Variants in SHISAL1 observed in about 807,000 individuals in gnomAD.
SHISAL1 encodes the protein protein shisa-like-1.
In SHISAL1, 9 loss-of-function variants were observed where a neutral mutation model predicts 22.6. That is an observed-to-expected ratio of 0.40 (90% CI 0.24 to 0.70). The LOEUF (loss-of-function observed/expected upper bound fraction) is 0.70, where lower values mean the gene tolerates loss of function less well. Ranked by LOEUF, SHISAL1 falls within the 30% of genes least tolerant of loss-of-function variation. The probability of loss-of-function intolerance (pLI) is 0.39; values close to 1 mark genes in which losing one functional copy is unlikely to be tolerated. For synonymous variants in SHISAL1, 119 were observed against 115.4 expected (o/e 1.03, Z -0.20); for missense variants, 246 against 270.6 (o/e 0.91, Z 0.64).
At chr22:44,270,095 G>A (rs1008759652) in intron 4 of SHISAL1, among the ~76,000 whole-genome samples, 3 of 152,222 alleles carry the variant, frequency 2.0e-5, no homozygotes, top group African/African-American at 4.8e-5. Context: ...ATTCCTGCTG[G>A]TTGGCTGCTG....
chr22:44,300,077 A>G (rs1447335374), intron 2 of SHISAL1, among the ~76,000 whole-genome samples: 1 of 151,986 alleles, frequency 6.6e-6, no homozygotes, highest in Non-Finnish European at 1.5e-5. Flanking sequence ...AGAGACACAG[A>G]AAGACAGACA....
intron 4 of SHISAL1, among the ~76,000 whole-genome samples, chr22:44,259,504 G>A (rs1380614112): frequency 4.0e-5 from 6 of 151,532 alleles, no homozygotes; most frequent in Admixed American, 3.9e-4. Flanking sequence ...CCAAAGCCCA[G>A]GGGAGCTGGG....
intron 4 of SHISAL1, among the ~76,000 whole-genome samples, chr22:44,263,713 C>T (rs1159841721): frequency 6.6e-6 from 1 of 152,144 alleles, no homozygotes; most frequent in African/African-American, 2.4e-5. Flanking sequence ...CTGGAAGGGG[C>T]CACAAGCCGA....
intron 3 of SHISAL1, among the ~76,000 whole-genome samples, chr22:44,287,176 G>A (rs117542510): frequency 2.4e-4 from 37 of 152,352 alleles, no homozygotes; most frequent in African/African-American, 7.9e-4. Context: ...TGGGCCTGGA[G>A]GAGATGAGCA....
intron 4 of SHISAL1, among the ~76,000 whole-genome samples, chr22:44,274,842 T>C (rs1040349989): frequency 1.3e-5 from 2 of 151,948 alleles, no homozygotes; most frequent in Non-Finnish European, 2.9e-5. Context: ...ATAGTCGCAA[T>C]AATAATCACA....
At chr22:44,325,157 C>A in the SHISAL1 span, among the ~76,000 whole-genome samples, 27,452 of 151,628 alleles carry the variant, frequency 0.18, 2,623 homozygotes, top group South Asian at 0.28. Context: ...GCAAGAGAAT[C>A]GCTTGAACCC....
chr22:44,289,597 G>A (rs1404694988), intron 3 of SHISAL1, among the ~76,000 whole-genome samples: 2 of 152,292 alleles, frequency 1.3e-5, no homozygotes, highest in South Asian at 2.1e-4. Context: ...GAAGGGAGGG[G>A]CCTGCCTGCC....
the SHISAL1 span, among the ~76,000 whole-genome samples, chr22:44,321,593 T>G: frequency 6.6e-6 from 1 of 152,204 alleles, no homozygotes; most frequent in African/African-American, 2.4e-5. Flanking sequence ...CTGCAGACTG[T>G]GAGCCTGTGA....
chr22:44,276,536 C>T (rs2147284140), intron 4 of SHISAL1, among the ~76,000 whole-genome samples: 1 of 148,724 alleles, frequency 6.7e-6, no homozygotes, highest in Non-Finnish European at 1.5e-5. Context: ...AGAAGATGGA[C>T]AAGGAGGGCT....
chr22:44,306,546 CAT>C (rs1283853851), intron 1 of SHISAL1, among the ~76,000 whole-genome samples: 53,790 of 98,230 alleles, frequency 0.55, 20,651 homozygotes, highest in South Asian at 0.72. Flanking sequence ...ATGACGATGG[CAT>C]GTGTGGAGGG....
In SHISAL1 at chr22:44,300,865, C is replaced by T. The variant is rs777576194; in HGVS notation, c.67+14G>A. 2.5e-6 allele frequency: 4 copies of T among 1,613,326 alleles called. No homozygotes were observed. The highest frequency in any genetic ancestry group is 3.4e-6 in the Non-Finnish European group (4 of 1,179,386). On this transcript the variant is annotated intron_variant, in intron 2 of 4. Transcript: ENST00000381176. Reference sequence around the variant, plus strand: ...ACGTGCCGCCCCCGCCCCCAGCATCCACGGAGGTTTTACCTGCAGAAAACA... The same window carrying T: ...ACGTGCCGCCCCCGCCCCCAGCATCTACGGAGGTTTTACCTGCAGAAAACA...
chr22:44,248,969 T>G lies in SHISAL1; in HGVS notation c.*716A>C, dbSNP rs1352333355. ...CACCTGCCCTGTGGTCAGCCTGAGA[T>G]GCAGCCCTTAGTATTACTATTGTTA... On this transcript the variant is annotated 3_prime_UTR_variant, in exon 5 of 5. Coordinates refer to ENST00000381176, the MANE Select transcript of SHISAL1 (RefSeq NM_001099294.2). 1 of 152,098 alleles carries G rather than the reference T, an allele frequency of 6.6e-6. No individual in the cohort carries two copies. The highest frequency in any genetic ancestry group is 1.5e-5 in the Non-Finnish European group (1 of 68,014). 9.4% of individuals were successfully genotyped at this position (152,098 alleles called of 1,614,324 possible). A position where few individuals can be genotyped will look rare whatever the true frequency, so the allele number is the denominator to read the frequency against.
chr22:44,258,383 T>TG (rs1201261945), intron 4 of SHISAL1, among the ~76,000 whole-genome samples: 1 of 152,202 alleles, frequency 6.6e-6, no homozygotes, highest in African/African-American at 2.4e-5. Flanking sequence ...ACGTGTGTCA[T>TG]GGGGGTTTGT....
chr22:44,319,233 T>A, the SHISAL1 span, among the ~76,000 whole-genome samples: 1 of 152,146 alleles, frequency 6.6e-6, no homozygotes, highest in Non-Finnish European at 1.5e-5. Context: ...ACAAGTATCA[T>A]CCCCTCCAAT....
intron 4 of SHISAL1, among the ~76,000 whole-genome samples, chr22:44,281,618 G>T (rs373957392): frequency 6.6e-6 from 1 of 152,160 alleles, no homozygotes; most frequent in Non-Finnish European, 1.5e-5. Flanking sequence ...GCACTTTGTC[G>T]CAGGTGCGGT....
the SHISAL1 span, among the ~76,000 whole-genome samples, chr22:44,319,610 G>C: frequency 6.6e-6 from 1 of 152,198 alleles, no homozygotes. Flanking sequence ...GCCCCTGGGT[G>C]AAATCCTCCA....
intron 4 of SHISAL1, among the ~76,000 whole-genome samples, chr22:44,261,100 C>CTATAT (rs2055120791): frequency 8.5e-6 from 1 of 117,840 alleles, no homozygotes; most frequent in Non-Finnish European, 1.6e-5. Flanking sequence ...TATATATATA[C>CTATAT]ACTATATGGA....
rs531968614 is a variant in SHISAL1 at position 44,288,565 on chromosome 22, C to G, written c.282-2820G>C. ...CTGAGGCAGGAGAATTGCGTGAATG[C>G]GGGAGGTGGAGCTTGCAGTAAGCTG... On this transcript the variant is annotated intron_variant, in intron 3 of 4. Coordinates refer to ENST00000381176, the MANE Select transcript of SHISAL1 (RefSeq NM_001099294.2). Among the ~76,000 whole-genome samples, 6 of 152,178 alleles carry G rather than the reference C, an allele frequency of 3.9e-5. No homozygotes were observed. The South Asian group carries it at 1.0e-3, about 26-fold the overall frequency.
chr22:44,256,814 T>G (rs532892480), intron 4 of SHISAL1, among the ~76,000 whole-genome samples: 1 of 151,948 alleles, frequency 6.6e-6, no homozygotes, highest in East Asian at 1.9e-4. Context: ...CCTGCTCAAC[T>G]CTACAGAAAT....
Sources: allele counts gnomAD v4.1 joint callset (sites outside exome capture counted in the v4.1 genomes callset), GRCh38; gene constraint gnomAD v4.1.1; transcripts MANE v1.5; gene names NCBI Gene and HGNC (gene_info 2026-07-23, HGNC 2026-07-21).